The following C6 variants were observed in gnomAD, a reference collection of about 807,000 sequenced individuals.
C6 encodes complement C6, also known as complement component C6.
C6 carries 101 observed loss-of-function variants against 112.9 expected under a neutral mutation model. The ratio of observed to expected loss-of-function variants is 0.89; its 90% confidence interval spans 0.76 to 1.06. The LOEUF (loss-of-function observed/expected upper bound fraction) is 1.06. C6 is among the 50% of genes least tolerant of loss of function. The pLI is 0.00. For missense variants in C6, 1,202 were observed against 1,104.6 expected (o/e 1.09, Z -1.25); for synonymous variants, 431 against 384.1 (o/e 1.12, Z -1.43).
intron 15 of C6, among the ~76,000 whole-genome samples, chr5:41,152,587 A>G (rs918608): frequency 0.24 from 36,406 of 151,996 alleles, 4,663 homozygotes; most frequent in East Asian, 0.34. Flanking sequence ...ATAAAGATGT[A>G]AAAAATTCCT....
At chr5:41,260,426 T>C (rs2150448775) in intron 1 of C6, among the ~76,000 whole-genome samples, 1 of 151,400 alleles carries the variant, frequency 6.6e-6, no homozygotes. Flanking sequence ...TCCAGAATTG[T>C]TCAGTAAAAA....
In C6 at chr5:41,153,881, C is replaced by T. The variant is rs777194617; in HGVS notation, c.2219G>A (p.Gly740Glu). The T allele has an allele frequency of 2.5e-6, 4 of 1,613,744 alleles. No individual in the cohort carries two copies. Among genetic ancestry groups the T allele is most frequent in the Non-Finnish European group, 3.4e-6 (4 of 1,179,820 alleles). ...LTCPKGFVVA[G>E]PSRYTCQGNS... ...CCCCTGGCATGTGTACCTTGATGGC[C>T]CAGCAACAACAAAGCCTTTGGGGCA... Residue 740 changes from glycine (G) to glutamate (E), a missense_variant, in exon 15 of 18, where the codon GGG becomes GAG. Physicochemically the swap from Gly to Glu is moderately conservative, Grantham distance 98 (BLOSUM62 -2). Coordinates refer to ENST00000337836, the MANE Select transcript of C6 (RefSeq NM_000065.5).
intron 8 of C6, chr5:41,172,608 G>T: frequency 1.9e-6 from 1 of 531,018 alleles, no homozygotes; most frequent in Non-Finnish European, 3.4e-6. Flanking sequence ...AAGCACATAT[G>T]AGCCATTTTG....
chr5:41,230,469 G>A (rs1177703887), intron 1 of C6, among the ~76,000 whole-genome samples: 1 of 152,062 alleles, frequency 6.6e-6, no homozygotes, highest in African/African-American at 2.4e-5. Context: ...AAAAGCCCTG[G>A]TCTCCTGTAG....
intron 13 of C6, 147 bp downstream of exon 13, chr5:41,158,526 TG>T (rs1482785702): frequency 3.0e-6 from 2 of 667,314 alleles, no homozygotes; most frequent in African/African-American, 1.8e-5. Context: ...GATGGAAGAG[TG>T]GCAAAGTGTT....
At chr5:41,255,396 AC>A (rs1201579389) in intron 1 of C6, among the ~76,000 whole-genome samples, 2 of 152,064 alleles carry the variant, frequency 1.3e-5, no homozygotes, top group East Asian at 3.9e-4. Context: ...ACATGGTTAC[AC>A]AAGATCCACT....
chr5:41,203,024 TGTTGCTGACTTCATCCTTGA>T, intron 2 of C6, 44 bp downstream of exon 2: 12 of 1,486,040 alleles, frequency 8.1e-6, no homozygotes, highest in Admixed American at 3.3e-5. Flanking sequence ...GCACTCCTGA[TGTTGCTGACTTCATCCTTGA>T]GTCCTTCCAG....
Position 41,172,230 on chromosome 5 carries a change from T to A in C6, c.1286A>T (p.His429Leu). Residue 429 changes from histidine to leucine, a missense_variant, in exon 9 of 18, where the codon CAT becomes CTT. By Grantham distance (99) the His-to-Leu change is moderately conservative. Transcript: ENST00000337836. ...CTAAGAGAGAGTACTGTTACCTTCA[T>A]GTTTCTCTGACAGCTTGTTGGTGGT... ...RCTTNKLSEK[H>L]EGSFIQGAEK... is the part of the protein sequence containing the mutation. The A allele has an allele frequency of 6.2e-7, 1 of 1,613,804 alleles. No individual in the cohort carries two copies. Among genetic ancestry groups the A allele is most frequent in the Non-Finnish European group, 8.5e-7 (1 of 1,179,760 alleles).
At chr5:41,231,993 A>G (rs1050617635) in intron 1 of C6, among the ~76,000 whole-genome samples, 1 of 151,870 alleles carries the variant, frequency 6.6e-6, no homozygotes, top group African/African-American at 2.4e-5. Context: ...AGATGACTAT[A>G]TCTGTTTTTT....
At chr5:41,192,314 T>A (rs1257777484) in intron 5 of C6, among the ~76,000 whole-genome samples, 1 of 152,184 alleles carries the variant, frequency 6.6e-6, no homozygotes. Context: ...GATTTTTGCA[T>A]CAGGGATATT....
At chr5:41,152,446 C>T (rs1290678161) in intron 15 of C6, among the ~76,000 whole-genome samples, 1 of 152,038 alleles carries the variant, frequency 6.6e-6, no homozygotes, top group Non-Finnish European at 1.5e-5. Flanking sequence ...TTCAGGCATC[C>T]CAAGAACCAA....
At chr5:41,234,583 G>T (rs1181188043) in intron 1 of C6, among the ~76,000 whole-genome samples, 1 of 151,962 alleles carries the variant, frequency 6.6e-6, no homozygotes, top group Non-Finnish European at 1.5e-5. Flanking sequence ...AAATATCATT[G>T]CTCTGTAGTT....
chr5:41,230,602 A>G (rs1387403184), intron 1 of C6, among the ~76,000 whole-genome samples: 1 of 152,188 alleles, frequency 6.6e-6, no homozygotes, highest in Admixed American at 6.6e-5. Context: ...ACAGCAGGAC[A>G]TAGACCCTCA....
chr5:41,177,318 C>T (rs564074458), intron 7 of C6, among the ~76,000 whole-genome samples: 1 of 152,286 alleles, frequency 6.6e-6, no homozygotes, highest in South Asian at 2.1e-4. Context: ...ATTCTCTCTC[C>T]TCCACCCATA....
chr5:41,214,672 C>A (rs1436566535), upstream of C6, among the ~76,000 whole-genome samples: 4 of 152,064 alleles, frequency 2.6e-5, no homozygotes, highest in Non-Finnish European at 5.9e-5. Flanking sequence ...GGTGATTGGA[C>A]AAGAATATAT....
intron 1 of C6, among the ~76,000 whole-genome samples, chr5:41,235,077 GTT>G (rs11437301): frequency 1.7e-4 from 22 of 132,808 alleles, no homozygotes; most frequent in Middle Eastern, 4.0e-3. Flanking sequence ...TTTTTTTAAT[GTT>G]TTTTTTTTTA....
chr5:41,226,029 G>A (rs147018244), intron 1 of C6, among the ~76,000 whole-genome samples: 10,666 of 152,184 alleles, frequency 0.07, 588 homozygotes, highest in African/African-American at 0.15. Flanking sequence ...TACCATTCAG[G>A]ACATAGGCAT....
intron 1 of C6, among the ~76,000 whole-genome samples, chr5:41,204,873 G>T (rs757997241): frequency 6.6e-6 from 1 of 151,888 alleles, no homozygotes. Flanking sequence ...GTTTCACTGC[G>T]TTAGCCAGGG....
chr5:41,254,987 T>C (rs1308413868), intron 1 of C6, among the ~76,000 whole-genome samples: 1 of 152,246 alleles, frequency 6.6e-6, no homozygotes, highest in East Asian at 1.9e-4. Flanking sequence ...TAGGTGCTCA[T>C]GTCTGATTCC....
Sources: allele counts gnomAD v4.1 joint callset (sites outside exome capture counted in the v4.1 genomes callset), GRCh38; gene constraint gnomAD v4.1.1; transcripts MANE v1.5; gene names NCBI Gene and HGNC (gene_info 2026-07-23, HGNC 2026-07-21).